ITGA11: variants seen among roughly 807,000 people sequenced by gnomAD.
The protein encoded by ITGA11 is integrin alpha-11.
In ITGA11, 97 loss-of-function variants were observed where a neutral mutation model predicts 141.9. The ratio of observed to expected loss-of-function variants is 0.68; its 90% CI spans 0.58 to 0.81. The LOEUF (loss-of-function observed/expected upper bound fraction) is 0.81. ITGA11 is among the 30% of genes least tolerant of loss of function. The pLI is 0.00. For synonymous variants in ITGA11, 658 were observed against 624.6 expected, an observed-to-expected ratio of 1.05 and a Z score of -0.80; for missense variants, 1,387 against 1,559.2, an observed-to-expected ratio of 0.89 and a Z score of 1.86.
At chr15:68,377,807 C>T (rs1205004001) in intron 2 of ITGA11, among the ~76,000 whole-genome samples, 3 of 152,200 alleles carry the variant, frequency 2.0e-5, no homozygotes, top group African/African-American at 4.8e-5. Flanking sequence ...AGGGCTCCTG[C>T]TCTTGGTTCC....
intron 1 of ITGA11, among the ~76,000 whole-genome samples, chr15:68,431,183 G>A (rs1897261516): frequency 5.3e-5 from 8 of 152,232 alleles, no homozygotes. Flanking sequence ...AGGGCGGAGA[G>A]CTCAGGGCTG....
chr15:68,422,122 G>T (rs895170679), intron 1 of ITGA11, among the ~76,000 whole-genome samples: 8 of 152,154 alleles, frequency 5.3e-5, no homozygotes, highest in African/African-American at 1.9e-4. Context: ...GCTCTGTGCC[G>T]TGGGGCGCTC....
chr15:68,333,398 A>AT lies in ITGA11; in HGVS notation c.1426-921dup, dbSNP rs1357167725. 1.3e-5 allele frequency among the ~76,000 whole-genome samples: 2 copies of AT among 152,118 alleles called. No individual in the cohort carries two copies. The highest frequency in any genetic ancestry group is 4.8e-5 in the African/African-American group (2 of 41,414). ...TTACAGGTGTAAGCCACTGTTTTTA[A>AT]TTTTTGATGTTATAAATCATTCTGG... is the stretch of plus-strand genomic sequence containing the variant. On this transcript the variant is annotated intron_variant, in intron 12 of 29. Coordinates refer to ENST00000315757, the MANE Select transcript of ITGA11 (RefSeq NM_001004439.2). This position sits in a 1 kb window ranked among gnomAD's most constrained non-coding sequence, Gnocchi z 4.2.
intron 1 of ITGA11, among the ~76,000 whole-genome samples, chr15:68,424,874 A>G (rs1319148106): frequency 1.3e-5 from 2 of 152,256 alleles, no homozygotes; most frequent in Non-Finnish European, 2.9e-5. Flanking sequence ...AACTGGAGAC[A>G]GAAGTATCTT....
At position 68,303,817 on chromosome 15, in the gene ITGA11, C is replaced by A; in HGVS notation, c.3450G>T (p.Leu1150=). The part of the protein sequence containing the change: ...VPIWIIVGST[L]GGLLLLALLV... ...GCAGGGCCAGCAGTAGGAGGCCCCCCAGGGTGCTGCCTACAATGATCCAGA... is the reference window on the plus strand; with the variant it reads ...GCAGGGCCAGCAGTAGGAGGCCCCCAAGGGTGCTGCCTACAATGATCCAGA... Residue 1150 remains leucine (L), a synonymous_variant, in exon 29 of 30, where the codon CTG becomes CTT. Coordinates refer to ENST00000315757, the MANE Select transcript of ITGA11 (RefSeq NM_001004439.2). This position sits in a 1 kb window ranked among gnomAD's most constrained non-coding sequence, Gnocchi z 5.3. The A allele has an allele frequency of 6.2e-7, 1 of 1,613,248 alleles. No individual in the cohort carries two copies. The highest frequency in any genetic ancestry group is 8.5e-7 in the Non-Finnish European group (1 of 1,179,474).
intron 1 of ITGA11, among the ~76,000 whole-genome samples, chr15:68,412,668 C>CTTTTT (rs71145169): frequency 2.9e-4 from 17 of 59,258 alleles, no homozygotes; most frequent in African/African-American, 4.7e-4. Context: ...AACTTATTCG[C>CTTTTT]TTTTTTTTTT....
Position 68,298,811 on chromosome 15 carries a change from T to A in ITGA11, c.*4248A>T, listed in dbSNP as rs758619204. On this transcript the variant is annotated 3_prime_UTR_variant, in exon 30 of 30. Coordinates refer to ENST00000315757, the MANE Select transcript of ITGA11 (RefSeq NM_001004439.2). Reference sequence around the variant, plus strand: ...TCACTAAGTTGTTGCACATCTTTTTTAATGCAGGGCCAGGGAGATAATCCA... The same window carrying A: ...TCACTAAGTTGTTGCACATCTTTTTAAATGCAGGGCCAGGGAGATAATCCA... 20 of 152,188 alleles carry A rather than the reference T, an allele frequency of 1.3e-4. No homozygotes were observed. Among genetic ancestry groups the A allele is most frequent in the African/African-American group, 4.6e-4 (19 of 41,452 alleles). The allele number at this position is 152,188 out of a possible 1,614,324, so 9.4% of individuals were successfully genotyped here.
chr15:68,389,947 C>A (rs889009580), intron 2 of ITGA11, among the ~76,000 whole-genome samples: 14 of 152,170 alleles, frequency 9.2e-5, no homozygotes, highest in African/African-American at 3.1e-4. Context: ...GCTGCTGGGA[C>A]ATCAAATGGT....
chr15:68,365,079 C>G (rs149786355), intron 3 of ITGA11: 1 of 933,762 alleles, frequency 1.1e-6, no homozygotes, highest in East Asian at 1.2e-4. Context: ...CACAGCTTTT[C>G]CTCCTCCAGC....
intron 4 of ITGA11, 42 bp from the exon 5 acceptor site, chr15:68,361,746 C>T (rs1441341757): frequency 7.1e-7 from 1 of 1,409,094 alleles, no homozygotes; most frequent in Non-Finnish European, 9.9e-7. Flanking sequence ...GAGGGGACCT[C>T]AGAGAGGATC....
chr15:68,430,670 G>A (rs573812996), intron 1 of ITGA11, among the ~76,000 whole-genome samples: 1 of 152,306 alleles, frequency 6.6e-6, no homozygotes, highest in East Asian at 1.9e-4. Context: ...ACCTAAATGG[G>A]CTTGGCCTCC....
chr15:68,339,097 A>G (rs1894471262), intron 11 of ITGA11, among the ~76,000 whole-genome samples: 1 of 152,206 alleles, frequency 6.6e-6, no homozygotes, highest in Admixed American at 6.5e-5. Flanking sequence ...GAACATTAAG[A>G]AATAAAAATG....
Position 68,339,471 on chromosome 15 carries a change from G to A in ITGA11, c.1276+29C>T, listed in dbSNP as rs113862521. 46,770 of 1,597,350 alleles carry A rather than the reference G, an allele frequency of 0.029. 802 individuals carry two copies. The highest frequency in any genetic ancestry group is 0.059 in the Middle Eastern group (358 of 6,024). On this transcript the variant is annotated intron_variant, in intron 11 of 29. Transcript: ENST00000315757. The stretch of plus-strand genomic sequence containing the variant: ...TGGGTGCCCTCCCGGCCCACGACCC[G>A]CCAGCCTCCCCTCACTCTGCGCTCT...
At chr15:68,416,406 G>A (rs148621445) in intron 1 of ITGA11, among the ~76,000 whole-genome samples, 28 of 152,340 alleles carry the variant, frequency 1.8e-4, no homozygotes, top group African/African-American at 6.7e-4. Context: ...GACAGAGAAC[G>A]AGCAAGGGCT....
chr15:68,372,581 C>T (rs1021822540), intron 2 of ITGA11, among the ~76,000 whole-genome samples: 5 of 152,246 alleles, frequency 3.3e-5, no homozygotes, highest in African/African-American at 1.2e-4. Flanking sequence ...ACAGACATTC[C>T]AGCCACAGCC....
chr15:68,367,261 G>A (rs190140424), intron 3 of ITGA11, among the ~76,000 whole-genome samples: 1 of 152,040 alleles, frequency 6.6e-6, no homozygotes, highest in Non-Finnish European at 1.5e-5. Flanking sequence ...ATTGGTTCAC[G>A]AATCCACGTC....
Position 68,386,769 on chromosome 15 carries a change from C to T in ITGA11, c.164+16149G>A, listed in dbSNP as rs148616708. Among the ~76,000 whole-genome samples the T allele has an allele frequency of 8.2e-3, 1,246 of 152,290 alleles. 16 individuals carry two copies. Among genetic ancestry groups the T allele is most frequent in the African/African-American group, 0.027 (1,123 of 41,554 alleles). On this transcript the variant is annotated intron_variant, in intron 2 of 29. Transcript: ENST00000315757. Reference sequence around the variant, plus strand: ...CCCTTCTCTGTGCACACTCTCCTTGCCCAGCCTTGGGAGTCTGCAGGCCCA... The same window carrying T: ...CCCTTCTCTGTGCACACTCTCCTTGTCCAGCCTTGGGAGTCTGCAGGCCCA...
intron 10 of ITGA11, among the ~76,000 whole-genome samples, chr15:68,346,528 T>G (rs574137097): frequency 6.6e-6 from 1 of 152,320 alleles, no homozygotes; most frequent in South Asian, 2.1e-4. Context: ...GTTTCTTTAA[T>G]GTACCTGGTA....
At chr15:68,323,209 G>C (rs1359566519) in intron 18 of ITGA11, among the ~76,000 whole-genome samples, 5 of 152,192 alleles carry the variant, frequency 3.3e-5, no homozygotes, top group African/African-American at 1.2e-4. Flanking sequence ...AGCCAGCGAA[G>C]CCATATCCAG....
Sources: gnomAD v4.1 joint callset for allele counts (sites outside exome capture counted in the v4.1 genomes callset) on GRCh38, gnomAD v4.1.1 for gene constraint, Gnocchi (gnomAD v3.1) non-coding constraint, MANE v1.5 for transcripts, NCBI Gene and HGNC (gene_info 2026-07-23, HGNC 2026-07-21) for gene names.